The following SKIC3 variants were observed in gnomAD, a reference collection of about 807,000 sequenced individuals.
The protein encoded by SKIC3 is SKI3 subunit of superkiller complex.
chr5:95,552,023 T>G, the SKIC3 span, among the ~76,000 whole-genome samples: 1 of 152,230 alleles, frequency 6.6e-6, no homozygotes, highest in Non-Finnish European at 1.5e-5. Flanking sequence ...CCTTCTTCCT[T>G]GCTCTCTCAA....
chr5:95,513,741 G>C, the SKIC3 span: 1 of 1,231,482 alleles, frequency 8.1e-7, no homozygotes, highest in Non-Finnish European at 1.2e-6. Context: ...AGGTTTACTA[G>C]CTGAGCTTAA....
At chr5:95,526,905 C>T in the SKIC3 span, among the ~76,000 whole-genome samples, 2 of 152,254 alleles carry the variant, frequency 1.3e-5, no homozygotes, top group Middle Eastern at 3.4e-3. Context: ...CTCCTACCTT[C>T]GTTATTTCAT....
At chr5:95,515,552 A>G in the SKIC3 span, among the ~76,000 whole-genome samples, 58 of 152,282 alleles carry the variant, frequency 3.8e-4, 2 homozygotes, top group East Asian at 5.4e-3. Flanking sequence ...AAGTAAGCTC[A>G]TGGGCAAAAA....
At chr5:95,543,067 T>G in the SKIC3 span, 1 of 1,275,650 alleles carries the variant, frequency 7.8e-7, no homozygotes, top group South Asian at 1.4e-5. Flanking sequence ...ATTTAAATTT[T>G]TTCTTACATG....
the SKIC3 span, chr5:95,513,761 TA>T: frequency 1.0e-5 from 9 of 903,684 alleles, no homozygotes; most frequent in Non-Finnish European, 1.6e-5. Context: ...AAAGCAAAGT[TA>T]ACCTAAGTTT....
chr5:95,491,150 A>C, the SKIC3 span: 4 of 1,441,002 alleles, frequency 2.8e-6, no homozygotes, highest in Non-Finnish European at 3.8e-6. Context: ...ATCTAAAAAA[A>C]AATTTCACTT....
the SKIC3 span, among the ~76,000 whole-genome samples, chr5:95,479,769 C>T: frequency 6.6e-6 from 1 of 151,490 alleles, no homozygotes; most frequent in African/African-American, 2.4e-5. Context: ...TGGGACATCT[C>T]CCCCGCAGAT....
chr5:95,503,669 C>A, the SKIC3 span: 1 of 1,041,274 alleles, frequency 9.6e-7, no homozygotes, highest in Non-Finnish European at 1.4e-6. Context: ...TAAAAAAGTG[C>A]CTAGTATTGC....
chr5:95,523,053 GC>G, the SKIC3 span: 2 of 1,061,270 alleles, frequency 1.9e-6, no homozygotes, highest in Non-Finnish European at 2.8e-6. Flanking sequence ...CAATTCCACT[GC>G]CCTGCAAACA....
At chr5:95,498,539 C>A in the SKIC3 span, 7 of 1,614,040 alleles carry the variant, frequency 4.3e-6, no homozygotes, top group Admixed American at 6.7e-5. Flanking sequence ...ATTGCCAACC[C>A]TAGAGCACAC....
At chr5:95,479,434 A>T in the SKIC3 span, among the ~76,000 whole-genome samples, 414 of 152,314 alleles carry the variant, frequency 2.7e-3, 4 homozygotes, top group African/African-American at 9.7e-3. Context: ...TTAAGATCCC[A>T]GCAGAGCTTT....
At chr5:95,520,819 C>T in the SKIC3 span, 4 of 1,606,926 alleles carry the variant, frequency 2.5e-6, no homozygotes, top group Non-Finnish European at 2.6e-6. Flanking sequence ...TCACCCAAAC[C>T]TAAAATCAGG....
At chr5:95,536,608 C>A in the SKIC3 span, 1 of 508,032 alleles carries the variant, frequency 2.0e-6, no homozygotes, top group Non-Finnish European at 3.5e-6. Context: ...ATAAATCTGG[C>A]AACTCATAAT....
At chr5:95,534,846 T>C in the SKIC3 span, among the ~76,000 whole-genome samples, 4 of 152,310 alleles carry the variant, frequency 2.6e-5, no homozygotes, top group Middle Eastern at 3.4e-3. Context: ...CCAAACCATA[T>C]GTCTACGCTT....
At chr5:95,528,699 T>C in the SKIC3 span, 1 of 392,886 alleles carries the variant, frequency 2.5e-6, no homozygotes, top group African/African-American at 2.1e-5. Context: ...CTCATGTGTC[T>C]TGGACACACC....
At chr5:95,525,615 T>A in the SKIC3 span, 2 of 1,614,054 alleles carry the variant, frequency 1.2e-6, no homozygotes, top group South Asian at 1.1e-5. Flanking sequence ...TGAACCTTTG[T>A]TCCGATAGGC....
At chr5:95,544,912 C>T in the SKIC3 span, among the ~76,000 whole-genome samples, 1 of 152,278 alleles carries the variant, frequency 6.6e-6, no homozygotes, top group South Asian at 2.1e-4. Context: ...GATAAAGCGC[C>T]ACAGGCAGAC....
the SKIC3 span, chr5:95,513,511 T>A: frequency 6.4e-7 from 1 of 1,562,450 alleles, no homozygotes; most frequent in Non-Finnish European, 8.8e-7. Context: ...ATTCATTCCC[T>A]TAACAAGGAT....
the SKIC3 span, among the ~76,000 whole-genome samples, chr5:95,470,811 A>G: frequency 6.6e-6 from 1 of 152,238 alleles, no homozygotes; most frequent in East Asian, 1.9e-4. Context: ...TGACTCAGAA[A>G]TAACAAAGGT....
Sources: gnomAD v4.1 joint callset for allele counts (sites outside exome capture counted in the v4.1 genomes callset) on GRCh38, gnomAD v4.1.1 for gene constraint, MANE v1.5 for transcripts, NCBI Gene and HGNC (gene_info 2026-07-23, HGNC 2026-07-21) for gene names.